The following GPHN variants were observed in gnomAD, a reference collection of about 807,000 sequenced individuals.
The protein encoded by GPHN is gephyrin.
GPHN carries 17 observed loss-of-function variants against 95.5 expected under a neutral mutation model. The ratio of observed to expected loss-of-function variants is 0.18; its 90% CI spans 0.12 to 0.27. The LOEUF (loss-of-function observed/expected upper bound fraction) is 0.27, where lower values mean the gene tolerates loss of function less well. GPHN is among the 10% of genes least tolerant of loss of function. The probability of loss-of-function intolerance (pLI) is 1.00; values close to 1 mark genes in which losing one functional copy is unlikely to be tolerated. For missense variants in GPHN, 660 were observed against 978.1 expected (o/e 0.67, Z 4.34); for synonymous variants, 320 against 322.5 (o/e 0.99, Z 0.08).
intron 2 of GPHN, among the ~76,000 whole-genome samples, chr14:66,683,990 ACTC>A (rs1738672005): frequency 6.6e-6 from 1 of 151,344 alleles, no homozygotes; most frequent in Admixed American, 6.6e-5. Context: ...AAAAAAAAAA[ACTC>A]CTCCTCAAAA....
At chr14:66,917,274 G>C (rs2065960504) in intron 6 of GPHN, among the ~76,000 whole-genome samples, 1 of 152,112 alleles carries the variant, frequency 6.6e-6, no homozygotes, top group African/African-American at 2.4e-5. Context: ...GTCCTTCTCA[G>C]ACATTAACAG....
intron 9 of GPHN, among the ~76,000 whole-genome samples, chr14:67,014,095 CGCAAA>C (rs2073163219): frequency 2.6e-5 from 4 of 151,564 alleles, no homozygotes; most frequent in African/African-American, 7.3e-5. Flanking sequence ...ATCACACACA[CGCAAA>C]ACAAAAAAAA....
intron 1 of GPHN, among the ~76,000 whole-genome samples, chr14:66,563,448 C>G (rs1391064922): frequency 6.6e-6 from 1 of 152,102 alleles, no homozygotes; most frequent in Non-Finnish European, 1.5e-5. Flanking sequence ...GACTTCACTC[C>G]TTTTCCTTTT....
chr14:66,600,623 T>C (rs761619658), intron 1 of GPHN, among the ~76,000 whole-genome samples: 1 of 152,108 alleles, frequency 6.6e-6, no homozygotes, highest in Non-Finnish European at 1.5e-5. Context: ...GACTCATGCC[T>C]GAAGGAAGCT....
the GPHN span, among the ~76,000 whole-genome samples, chr14:67,688,462 G>A: frequency 6.6e-6 from 1 of 152,150 alleles, no homozygotes; most frequent in African/African-American, 2.4e-5. Context: ...ATATGTAAAT[G>A]CATAGGAAAA....
chr14:67,538,699 T>C, the GPHN span, among the ~76,000 whole-genome samples: 1 of 152,172 alleles, frequency 6.6e-6, no homozygotes. Flanking sequence ...CCTCACATGC[T>C]GAGGCAAGCC....
chr14:67,438,589 G>A, the GPHN span, among the ~76,000 whole-genome samples: 75 of 152,184 alleles, frequency 4.9e-4, no homozygotes, highest in African/African-American at 1.7e-3. Context: ...GGCTGGGTGC[G>A]GTGGCTCACG....
chr14:66,528,163 A>G (rs376920826), intron 1 of GPHN, among the ~76,000 whole-genome samples: 3 of 152,298 alleles, frequency 2.0e-5, no homozygotes, highest in South Asian at 4.1e-4. Flanking sequence ...TTGGGTGCAT[A>G]TATATTTAGG....
chr14:67,341,774 C>G, the GPHN span, among the ~76,000 whole-genome samples: 1 of 152,192 alleles, frequency 6.6e-6, no homozygotes, highest in Non-Finnish European at 1.5e-5. Context: ...ATAGAGAAAT[C>G]GGATGGTTGC....
At chr14:67,347,871 T>C in the GPHN span, among the ~76,000 whole-genome samples, 1 of 152,062 alleles carries the variant, frequency 6.6e-6, no homozygotes, top group Non-Finnish European at 1.5e-5. Context: ...AGCTTAAGTA[T>C]GGAATTGTAA....
At chr14:66,938,102 T>G (rs1045734733) in intron 8 of GPHN, among the ~76,000 whole-genome samples, 54 of 152,186 alleles carry the variant, frequency 3.5e-4, no homozygotes, top group Admixed American at 3.5e-3. Flanking sequence ...TAGATGACCA[T>G]CATTCTCAAA....
At chr14:67,483,757 C>T in the GPHN span, among the ~76,000 whole-genome samples, 1 of 152,226 alleles carries the variant, frequency 6.6e-6, no homozygotes, top group Non-Finnish European at 1.5e-5. Context: ...TCCTGGGAGT[C>T]TCAGATGGCC....
the GPHN span, chr14:67,576,097 AT>A: frequency 9.6e-7 from 1 of 1,039,418 alleles, no homozygotes; most frequent in Non-Finnish European, 1.4e-6. This position sits in a 1 kb window ranked among gnomAD's most constrained non-coding sequence, Gnocchi z 4.0. Context: ...CAAAATTCAA[AT>A]TTATTTCCTT....
the GPHN span, among the ~76,000 whole-genome samples, chr14:67,733,206 C>T: frequency 6.6e-6 from 1 of 152,066 alleles, no homozygotes; most frequent in Admixed American, 6.5e-5. Flanking sequence ...CCTCAGGGCC[C>T]CTGCTCATTC....
the GPHN span, among the ~76,000 whole-genome samples, chr14:67,595,992 A>G: frequency 1.3e-5 from 2 of 152,242 alleles, no homozygotes; most frequent in African/African-American, 4.8e-5. Flanking sequence ...TAAGGGCTCA[A>G]AAAATGGTGT....
chr14:66,935,437 TTA>T (rs761618691), intron 8 of GPHN, among the ~76,000 whole-genome samples: 12 of 150,686 alleles, frequency 8.0e-5, no homozygotes, highest in African/African-American at 2.2e-4. Flanking sequence ...TGTATATATA[TTA>T]TATATATATG....
the GPHN span, chr14:67,386,654 TC>T: frequency 6.6e-6 from 1 of 152,340 alleles, no homozygotes; most frequent in African/African-American, 2.4e-5. Flanking sequence ...TACATCTTTT[TC>T]TGTCCTTTAG....
chr14:67,578,320 G>A, the GPHN span: 8 of 856,474 alleles, frequency 9.3e-6, no homozygotes, highest in Admixed American at 2.0e-5. The surrounding 1 kb of genome is among the most constrained non-coding windows in gnomAD (Gnocchi z 5.0). Context: ...CAGCCTCTGT[G>A]CTCCAAGCTG....
At chr14:66,613,325 C>T (rs2062863738) in intron 1 of GPHN, among the ~76,000 whole-genome samples, 1 of 152,090 alleles carries the variant, frequency 6.6e-6, no homozygotes, top group African/African-American at 2.4e-5. Flanking sequence ...CTCCTTAAGG[C>T]ACACCACAGC....
Sources: gnomAD v4.1 joint callset for allele counts (sites outside exome capture counted in the v4.1 genomes callset) on GRCh38, gnomAD v4.1.1 for gene constraint, Gnocchi (gnomAD v3.1) non-coding constraint, MANE v1.5 for transcripts, NCBI Gene and HGNC (gene_info 2026-07-23, HGNC 2026-07-21) for gene names.